ANKRD12: variants seen among roughly 807,000 people sequenced by gnomAD.
The protein encoded by ANKRD12 is ankyrin repeat domain-containing protein 12.
A neutral mutation model predicts 183.4 loss-of-function variants in ANKRD12; 85 were observed. The observed-to-expected ratio is 0.46, with a 90% CI of 0.39 to 0.56. The LOEUF is 0.56. Ranked by LOEUF, ANKRD12 falls within the 20% of genes least tolerant of loss-of-function variation. The pLI, the probability that ANKRD12 is intolerant of heterozygous loss-of-function variation, is 0.00. For synonymous variants in ANKRD12, 914 were observed against 800.2 expected, an observed-to-expected ratio of 1.14 and a Z score of -2.40; for missense variants, 2,405 against 2,357.1, an observed-to-expected ratio of 1.02 and a Z score of -0.42.
chr18:9,268,753 T>C (rs2039438302), intron 10 of ANKRD12, among the ~76,000 whole-genome samples: 1 of 152,136 alleles, frequency 6.6e-6, no homozygotes, highest in African/African-American at 2.4e-5. Flanking sequence ...TTCAACATAG[T>C]GTTGGAAGTT....
At chr18:9,247,183 C>A (rs2038011780) in intron 8 of ANKRD12, among the ~76,000 whole-genome samples, 1 of 151,836 alleles carries the variant, frequency 6.6e-6, no homozygotes, top group Admixed American at 6.6e-5. Flanking sequence ...GCCATAGAGC[C>A]TACTATTAAC....
intron 10 of ANKRD12, among the ~76,000 whole-genome samples, chr18:9,272,110 C>T (rs2145420244): frequency 6.6e-6 from 1 of 152,310 alleles, no homozygotes; most frequent in Non-Finnish European, 1.5e-5. Flanking sequence ...CATAACCTAT[C>T]CTTAGAGGAC....
intron 8 of ANKRD12, chr18:9,239,505 C>T: frequency 7.8e-7 from 1 of 1,285,396 alleles, no homozygotes; most frequent in Non-Finnish European, 1.0e-6. Context: ...GGTGAATGTG[C>T]CTGAATTATT....
intron 10 of ANKRD12, among the ~76,000 whole-genome samples, chr18:9,267,361 A>T (rs1268110514): frequency 6.6e-6 from 1 of 152,234 alleles, no homozygotes; most frequent in Non-Finnish European, 1.5e-5. Flanking sequence ...AATTGACCAC[A>T]TAGTTGGAAG....
chr18:9,244,676 TGAACAA>T (rs1342443873), intron 8 of ANKRD12, among the ~76,000 whole-genome samples: 12 of 152,266 alleles, frequency 7.9e-5, no homozygotes, highest in African/African-American at 2.2e-4. Flanking sequence ...TTTGTGCTGA[TGAACAA>T]GAACAGAGAC....
In ANKRD12 at chr18:9,254,854, T is replaced by C; in HGVS notation, c.1587T>C (p.Asp529=). 1 of 1,510,976 alleles carries C rather than the reference T, an allele frequency of 6.6e-7. No individual in the cohort carries two copies. The highest frequency in any genetic ancestry group is 2.3e-5 in the East Asian group (1 of 42,820). 93.6% of individuals were successfully genotyped at this position (1,510,976 alleles called of 1,614,324 possible). Residue 529 remains aspartate (D), a synonymous_variant, in exon 9 of 13, where the codon GAT becomes GAC. Coordinates refer to ENST00000262126, the MANE Select transcript of ANKRD12 (RefSeq NM_015208.5). ...TTAGGAAATCTTTTAGCCCAAAAGA[T>C]GATACTTCATTACATTTATTTCATA... ...GNFRKSFSPK[D]DTSLHLFHIS... is the part of the protein sequence containing the mutation.
At chr18:9,221,529 T>C (rs563510355) in intron 7 of ANKRD12, among the ~76,000 whole-genome samples, 19 of 152,288 alleles carry the variant, frequency 1.2e-4, no homozygotes, top group Non-Finnish European at 2.4e-4. Context: ...TTAGCAGAAC[T>C]CGGAAGTGTA....
chr18:9,137,539 G>T (rs1358108753), intron 1 of ANKRD12: 2 of 149,238 alleles, frequency 1.3e-5, no homozygotes, highest in Non-Finnish European at 3.0e-5. Context: ...CGCCGAGCGT[G>T]CGCCGACGCC....
At position 9,211,824 on chromosome 18, in the gene ANKRD12, A is replaced by T. The variant is rs769175236; in HGVS notation, c.652+40A>T. On this transcript the variant is annotated intron_variant, in intron 6 of 12. Transcript: ENST00000262126. Reference sequence around the variant, plus strand: ...TCAATACCTACTATTCAGGCACTAAAATTTAAACAGATCCTGGTTACAATT... The same window carrying T: ...TCAATACCTACTATTCAGGCACTAATATTTAAACAGATCCTGGTTACAATT... The T allele has an allele frequency of 4.1e-6, 6 of 1,471,518 alleles. No homozygotes were observed. In the African/African-American group the frequency reaches 8.4e-5, roughly 21 times the overall value. 91.2% of individuals were successfully genotyped at this position (1,471,518 alleles called of 1,614,324 possible).
At chr18:9,160,260 CTG>C (rs2031223706) in intron 1 of ANKRD12, among the ~76,000 whole-genome samples, 2 of 152,158 alleles carry the variant, frequency 1.3e-5, no homozygotes, top group East Asian at 1.9e-4. Flanking sequence ...GGACCACAGA[CTG>C]TGCTGAGGCA....
intron 8 of ANKRD12, among the ~76,000 whole-genome samples, chr18:9,252,771 C>T (rs983564146): frequency 5.3e-5 from 8 of 152,198 alleles, no homozygotes; most frequent in South Asian, 2.1e-4. Flanking sequence ...TCAAGACCAG[C>T]CTGGGCAATT....
At chr18:9,164,542 T>C (rs1295615993) in intron 1 of ANKRD12, among the ~76,000 whole-genome samples, 2 of 152,226 alleles carry the variant, frequency 1.3e-5, no homozygotes, top group Admixed American at 1.3e-4. Context: ...CATTTAGTGC[T>C]ATAGATTTCC....
intron 1 of ANKRD12, among the ~76,000 whole-genome samples, chr18:9,139,876 G>A (rs1329699579): frequency 6.6e-6 from 1 of 151,860 alleles, no homozygotes; most frequent in African/African-American, 2.4e-5. Context: ...CTTAAAGCTA[G>A]TCTGCAGCTA....
intron 8 of ANKRD12, among the ~76,000 whole-genome samples, chr18:9,234,898 CACTT>C (rs770968163): frequency 2.0e-5 from 3 of 152,074 alleles, no homozygotes; most frequent in Non-Finnish European, 2.9e-5. Flanking sequence ...CTAAAGTTCT[CACTT>C]ACTCTTTCCC....
At chr18:9,231,824 C>CA (rs60799678) in intron 8 of ANKRD12, among the ~76,000 whole-genome samples, 68,230 of 102,250 alleles carry the variant, frequency 0.67, 22,698 homozygotes, top group South Asian at 0.78. Context: ...GACTCTGTCT[C>CA]AAAAAAAAAA....
At chr18:9,277,654 A>G (rs2039916765) in intron 11 of ANKRD12, among the ~76,000 whole-genome samples, 1 of 152,058 alleles carries the variant, frequency 6.6e-6, no homozygotes, top group Non-Finnish European at 1.5e-5. Context: ...AAGTAAAGTA[A>G]TTAATTAAAT....
chr18:9,255,143 G>T lies in ANKRD12; in HGVS notation c.1876G>T (p.Asp626Tyr). Residue 626 changes from aspartate (D) to tyrosine (Y), a missense_variant, in exon 9 of 13, where the codon GAT becomes TAT. Asp to Tyr is a radical substitution (Grantham distance 160). Around this residue, in one of 7 missense-constraint regions of ANKRD12, gnomAD observed 1,983 missense variants for 1,725.9 expected, o/e 1.15. Coordinates refer to ENST00000262126, the MANE Select transcript of ANKRD12 (RefSeq NM_015208.5). The stretch of plus-strand genomic sequence containing the variant: ...TGAAAAATCAAATGCCAAAATAAAG[G>T]ATGAAGATCATAGTCCAACATTTGA... ...FGEKSNAKIK[D>Y]EDHSPTFENS... The T allele has an allele frequency of 6.3e-7, 1 of 1,584,336 alleles. No individual in the cohort carries two copies. The highest frequency in any genetic ancestry group is 1.2e-5 in the South Asian group (1 of 84,790).
chr18:9,204,891 C>T (rs940927678), intron 4 of ANKRD12, among the ~76,000 whole-genome samples: 4 of 152,312 alleles, frequency 2.6e-5, no homozygotes, highest in East Asian at 1.9e-4. Context: ...CCAAGTGTTT[C>T]GTTGTATACC....
At chr18:9,150,382 C>A (rs1209860287) in intron 1 of ANKRD12, among the ~76,000 whole-genome samples, 1 of 152,076 alleles carries the variant, frequency 6.6e-6, no homozygotes, top group African/African-American at 2.4e-5. Context: ...CAGAGGAAAC[C>A]AAGTAGAAAT....
Sources: allele counts gnomAD v4.1 joint callset (sites outside exome capture counted in the v4.1 genomes callset), GRCh38; gene constraint gnomAD v4.1.1; regional missense constraint gnomAD v4.1.1; transcripts MANE v1.5; gene names NCBI Gene and HGNC (gene_info 2026-07-23, HGNC 2026-07-21).